Variants in MCC observed in about 807,000 individuals in gnomAD.
MCC encodes colorectal mutant cancer protein.
A neutral mutation model predicts 116.2 loss-of-function variants in MCC; 90 were observed. That is an observed-to-expected ratio of 0.77 (90% CI 0.65 to 0.92). MCC has a LOEUF of 0.92. Among genes scored for constraint, MCC ranks in the 40% least tolerant of loss-of-function variants. MCC has a pLI of 0.00. For synonymous variants in MCC, 578 were observed against 510.5 expected, an observed-to-expected ratio of 1.13 and a Z score of -1.78; for missense variants, 1,516 against 1,312.2, an observed-to-expected ratio of 1.16 and a Z score of -2.40.
chr5:113,407,582 T>C (rs1430092070), intron 1 of MCC, among the ~76,000 whole-genome samples: 1 of 152,194 alleles, frequency 6.6e-6, no homozygotes, highest in Non-Finnish European at 1.5e-5. Context: ...TAAATAATTT[T>C]AGACTTGCAA....
At chr5:113,173,150 T>G (rs1021783636) in intron 3 of MCC, among the ~76,000 whole-genome samples, 2 of 152,188 alleles carry the variant, frequency 1.3e-5, no homozygotes, top group Non-Finnish European at 2.9e-5. Context: ...CATATTTTTA[T>G]GTAGCTTCCA....
chr5:113,171,067 A>G (rs929169598), intron 3 of MCC, among the ~76,000 whole-genome samples: 5 of 152,004 alleles, frequency 3.3e-5, no homozygotes, highest in South Asian at 4.2e-4. Context: ...GTTCACTCAG[A>G]TATCTGCCCT....
chr5:113,360,444 C>T (rs983968312), intron 2 of MCC, among the ~76,000 whole-genome samples: 2 of 152,096 alleles, frequency 1.3e-5, no homozygotes, highest in Non-Finnish European at 2.9e-5. Context: ...GTAAAATTAG[C>T]CCATAATTTT....
chr5:113,051,769 T>C (rs888680632), intron 15 of MCC, among the ~76,000 whole-genome samples: 15 of 152,010 alleles, frequency 9.9e-5, no homozygotes, highest in South Asian at 4.2e-4. Flanking sequence ...GAAGAATGGA[T>C]TTGAAAAGGA....
chr5:113,285,227 C>G (rs541867309), intron 3 of MCC, among the ~76,000 whole-genome samples: 1 of 152,262 alleles, frequency 6.6e-6, no homozygotes, highest in South Asian at 2.1e-4. Flanking sequence ...AGGCATCTGA[C>G]GATGGATCAC....
rs369808257 is a variant in MCC, at chr5:113,445,847, CTA to C, written c.170+42396_170+42397del. Among the ~76,000 whole-genome samples the C allele has an allele frequency of 3.6e-3, 555 of 152,306 alleles. 6 individuals are homozygous for C. Among genetic ancestry groups the C allele is most frequent in the East Asian group, 0.019 (101 of 5,192 alleles). On this transcript the variant is annotated intron_variant, in intron 1 of 18. Transcript: ENST00000408903. ...AGGCATCACATTACCTGACTTCAAA[CTA>C]TGTTATAAAGCTACAGTAACCAAAA... is the stretch of plus-strand genomic sequence containing the variant.
At chr5:113,234,796 A>G (rs991489404) in intron 3 of MCC, 4 of 152,220 alleles carry the variant, frequency 2.6e-5, no homozygotes, top group African/African-American at 7.2e-5. Flanking sequence ...GCAGATGACA[A>G]ATAGAACACA....
At chr5:113,037,163 T>A (rs1751381726) in intron 17 of MCC, among the ~76,000 whole-genome samples, 1 of 152,246 alleles carries the variant, frequency 6.6e-6, no homozygotes, top group Non-Finnish European at 1.5e-5. Context: ...TTTCATTTTA[T>A]CCCACTCTTT....
chr5:113,455,319 C>G (rs1210743305), intron 1 of MCC, among the ~76,000 whole-genome samples: 3 of 152,176 alleles, frequency 2.0e-5, no homozygotes, highest in Non-Finnish European at 4.4e-5. Context: ...TCATGTCTGT[C>G]CCTTACTAGA....
chr5:113,381,964 A>T (rs1238900232), intron 2 of MCC, among the ~76,000 whole-genome samples: 1 of 152,170 alleles, frequency 6.6e-6, no homozygotes, highest in East Asian at 1.9e-4. Context: ...AGCATGAAGG[A>T]GTGGTCAGCT....
Position 113,026,697 on chromosome 5 carries a change from G to C in MCC, c.*605C>G, listed in dbSNP as rs963573357. The C allele has an allele frequency of 6.6e-6, 1 of 152,364 alleles. No individual in the cohort carries two copies. Among genetic ancestry groups the C allele is most frequent in the Non-Finnish European group, 1.5e-5 (1 of 68,220 alleles). The allele number at this position is 152,364 out of a possible 1,614,324, so 9.4% of individuals were successfully genotyped here. The stretch of plus-strand genomic sequence containing the variant: ...TTGTAACTTTAGTGTATCTGGGACT[G>C]TAAGTAACACCTGTCTACGCTCTTC... On this transcript the variant is annotated 3_prime_UTR_variant, in exon 19 of 19. Transcript: ENST00000408903.
chr5:113,317,044 A>C (rs1269805396), intron 3 of MCC, among the ~76,000 whole-genome samples: 1 of 152,198 alleles, frequency 6.6e-6, no homozygotes, highest in Non-Finnish European at 1.5e-5. Context: ...GATTCACTTC[A>C]CTGGCTGTCT....
chr5:113,318,316 C>G (rs1767336662), intron 3 of MCC, among the ~76,000 whole-genome samples: 1 of 152,200 alleles, frequency 6.6e-6, no homozygotes, highest in South Asian at 2.1e-4. Context: ...CCAAGTCTAA[C>G]TAACTCCAAA....
chr5:113,396,824 A>T (rs1212620617), intron 1 of MCC, among the ~76,000 whole-genome samples: 1 of 152,218 alleles, frequency 6.6e-6, no homozygotes, highest in Non-Finnish European at 1.5e-5. Flanking sequence ...GTAAATAAAT[A>T]ATAAATGAAT....
chr5:113,071,225 C>T lies in MCC; in HGVS notation c.1794G>A (p.Glu598=), dbSNP rs1026016366. ...VETERLNSRI[E]HLKSQNDLLT... ...GGAGGTCATTTTGGGATTTGAGGTG[C>T]TCAATCCGGCTACAAAGGAACAAAA... The change falls in exon 12 of 19, where the codon GAG becomes GAA. Residue 598 remains glutamate (E), a synonymous_variant. Transcript: ENST00000408903. 6.2e-7 allele frequency: 1 copy of T among 1,613,658 alleles called. No individual in the cohort carries two copies.
intron 3 of MCC, among the ~76,000 whole-genome samples, chr5:113,183,557 G>C (rs1352840466): frequency 1.3e-5 from 2 of 152,040 alleles, no homozygotes; most frequent in Non-Finnish European, 2.9e-5. Context: ...AAATAAGCCT[G>C]GAAGGGGACA....
In MCC at chr5:113,094,306, T is replaced by A. The variant is rs557798498; in HGVS notation, c.1398+7433A>T. On this transcript the variant is annotated intron_variant, in intron 8 of 18. Coordinates refer to ENST00000408903, the MANE Select transcript of MCC (RefSeq NM_001085377.2). ...GAGAAAACATCCAACAGCATTTCCA[T>A]CTCTCGGTAAGTTTGATATGTGTGC... Among the ~76,000 whole-genome samples, 14 of 152,244 alleles carry A rather than the reference T, an allele frequency of 9.2e-5. No individual in the cohort carries two copies. In the South Asian group the frequency reaches 2.9e-3, roughly 32 times the overall value.
intron 3 of MCC, among the ~76,000 whole-genome samples, chr5:113,206,379 T>C (rs752404965): frequency 5.9e-5 from 9 of 152,232 alleles, no homozygotes; most frequent in African/African-American, 4.8e-5. Flanking sequence ...CTTGGCTTTA[T>C]AAAAATCTGT....
intron 1 of MCC, among the ~76,000 whole-genome samples, chr5:113,439,224 C>A (rs1347479363): frequency 1.3e-5 from 2 of 152,168 alleles, no homozygotes; most frequent in Non-Finnish European, 2.9e-5. Context: ...TGTCGGGGAG[C>A]AAGTCTGGTG....
Sources: allele counts gnomAD v4.1 joint callset (sites outside exome capture counted in the v4.1 genomes callset), GRCh38; gene constraint gnomAD v4.1.1; transcripts MANE v1.5; gene names NCBI Gene and HGNC (gene_info 2026-07-23, HGNC 2026-07-21).